Variants in DHX9 observed in about 807,000 individuals in gnomAD.
The protein encoded by DHX9 is DExH-box helicase 9.
Under a neutral mutation model 148.7 loss-of-function variants are expected in DHX9, and 27 were observed. The ratio of observed to expected loss-of-function variants is 0.18; its 90% CI spans 0.13 to 0.25. DHX9 has a LOEUF of 0.25. DHX9 is among the 10% of genes least tolerant of loss of function. DHX9 has a pLI of 1.00. For synonymous variants in DHX9, 529 were observed against 516.6 expected, an observed-to-expected ratio of 1.02 and a Z score of -0.33; for missense variants, 796 against 1,559.6, an observed-to-expected ratio of 0.51 and a Z score of 8.25.
At chr1:182,879,543 C>T (rs1341050021) in intron 21 of DHX9, 133 bp downstream of exon 21, 11 of 761,058 alleles carry the variant, frequency 1.4e-5, no homozygotes, top group Admixed American at 3.8e-5. Context: ...ATAGTAAGGC[C>T]TCCAGTCTTA....
chr1:182,880,756 G>A, intron 22 of DHX9, 148 bp downstream of exon 22: 2 of 585,598 alleles, frequency 3.4e-6, no homozygotes, highest in Middle Eastern at 2.9e-4. Flanking sequence ...ATTGAGAGCA[G>A]TGTAACACTA....
chr1:182,852,290 G>C lies in DHX9; in HGVS notation c.310G>C (p.Asp104His). 1.2e-6 allele frequency: 2 copies of C among 1,613,154 alleles called. No individual in the cohort carries two copies. Among genetic ancestry groups the C allele is most frequent in the Non-Finnish European group, 1.7e-6 (2 of 1,179,654 alleles). Residue 104 changes from aspartate to histidine, a missense_variant, in exon 4 of 28, where the codon GAT (aspartate) becomes CAT (histidine). Coordinates refer to ENST00000367549, the MANE Select transcript of DHX9 (RefSeq NM_001357.5). ...TGACACTACAGCAAATGCTGAAGGA[G>C]ATTTACCAACAACCATGGGAGGACC... ...TPDTTANAEGDLPTTMGGPLP... is the reference protein window; with the variant it reads ...TPDTTANAEGHLPTTMGGPLP...
intron 26 of DHX9, 61 bp downstream of exon 26, chr1:182,883,696 C>G (rs1649191382): frequency 1.7e-6 from 2 of 1,210,770 alleles, no homozygotes; most frequent in East Asian, 2.4e-5. Context: ...TGATGGAATT[C>G]AGCTGCTAAT....
At chr1:182,878,999 G>C (rs367844454) in intron 20 of DHX9, among the ~76,000 whole-genome samples, 1 of 152,216 alleles carries the variant, frequency 6.6e-6, no homozygotes, top group East Asian at 1.9e-4. Context: ...CGCGATTTTG[G>C]ATAATTTTTT....
chr1:182,850,051 A>C (rs1456056678), intron 3 of DHX9, among the ~76,000 whole-genome samples: 2 of 149,282 alleles, frequency 1.3e-5, no homozygotes, highest in Non-Finnish European at 3.0e-5. Context: ...AACCCATCAA[A>C]ATTTTTCTGT....
At chr1:182,886,089 A>G (rs567130734) in intron 27 of DHX9, among the ~76,000 whole-genome samples, 2 of 152,356 alleles carry the variant, frequency 1.3e-5, no homozygotes, top group African/African-American at 4.8e-5. Flanking sequence ...TTTGTGGTAG[A>G]ATCAATAGGA....
At chr1:182,875,981 A>G in intron 16 of DHX9, 69 bp from the exon 17 acceptor site, 1 of 1,207,576 alleles carries the variant, frequency 8.3e-7, no homozygotes, top group Non-Finnish European at 1.2e-6. Flanking sequence ...AGTCACTAGA[A>G]GAAATCTAGA....
At chr1:182,855,739 G>A (rs973670139) in intron 6 of DHX9, 4 of 985,416 alleles carry the variant, frequency 4.1e-6, no homozygotes, top group Non-Finnish European at 4.8e-6. Context: ...GTATAGGAAG[G>A]AGTCTAACAT....
At chr1:182,839,576 G>T (rs1225107459) in intron 1 of DHX9, 120 bp downstream of exon 1, 1 of 152,604 alleles carries the variant, frequency 6.6e-6, no homozygotes, top group East Asian at 1.9e-4. Flanking sequence ...GCTGGGGGTG[G>T]GGGAAGGGAC....
intron 3 of DHX9, among the ~76,000 whole-genome samples, chr1:182,847,380 T>C (rs1668051926): frequency 6.6e-6 from 1 of 152,242 alleles, no homozygotes; most frequent in Non-Finnish European, 1.5e-5. Context: ...TGTTTTGTTT[T>C]GTTTTGTTTT....
chr1:182,853,367 A>C lies in DHX9; in HGVS notation c.426A>C (p.Gly142=), dbSNP rs760447544. Residue 142 remains glycine (G), a synonymous_variant, in exon 5 of 28, where the codon GGA becomes GGC. Coordinates refer to ENST00000367549, the MANE Select transcript of DHX9 (RefSeq NM_001357.5). Reference sequence around the variant, plus strand: ...TTCCTGGGCCCACCTGGGACCGAGGAGCCAACTTGAAGGATTACTACTCAA... The same window carrying C: ...TTCCTGGGCCCACCTGGGACCGAGGCGCCAACTTGAAGGATTACTACTCAA... ...YGVPGPTWDR[G]ANLKDYYSRK... 2 of 1,614,074 alleles carry C rather than the reference A, an allele frequency of 1.2e-6. No homozygotes were observed. The highest frequency in any genetic ancestry group is 1.1e-5 in the South Asian group (1 of 91,064).
At chr1:182,857,692 C>T (rs751397322) in intron 7 of DHX9, among the ~76,000 whole-genome samples, 13 of 152,110 alleles carry the variant, frequency 8.5e-5, no homozygotes, top group African/African-American at 1.4e-4. Context: ...ATTAATTGAC[C>T]GTTTATAGAA....
In DHX9 at chr1:182,867,031, A is replaced by G. The variant is rs747385644; in HGVS notation, c.1545A>G (p.Glu515=). The G allele has an allele frequency of 5.6e-6, 9 of 1,598,576 alleles. No homozygotes were observed. The East Asian group carries it at 1.8e-4, about 32-fold the overall frequency. ...ATGTAATTGTAGATGAAATACATGA[A>G]AGAGATATTAATGTAAGTAACTTGA... ...ISHVIVDEIH[E]RDINTDFLLV... is the part of the protein sequence containing the mutation. Residue 515 remains glutamate, a synonymous_variant, in exon 14 of 28, where the codon GAA becomes GAG. Transcript: ENST00000367549.
intron 14 of DHX9, among the ~76,000 whole-genome samples, chr1:182,867,422 A>G (rs1369911285): frequency 6.6e-6 from 1 of 152,012 alleles, no homozygotes; most frequent in Non-Finnish European, 1.5e-5. Flanking sequence ...TGTTTTTTTG[A>G]GACAGAGTCT....
At chr1:182,871,755 A>G (rs1648562214) in intron 14 of DHX9, among the ~76,000 whole-genome samples, 1 of 152,218 alleles carries the variant, frequency 6.6e-6, no homozygotes, top group Admixed American at 6.5e-5. Flanking sequence ...AAAAAAGGAA[A>G]TCCCAAGACA....
intron 6 of DHX9, 53 bp downstream of exon 6, chr1:182,854,231 A>G: frequency 6.6e-7 from 1 of 1,503,786 alleles, no homozygotes; most frequent in Non-Finnish European, 9.0e-7. Context: ...GGTTTTGGAT[A>G]TTCACTGTTG....
intron 19 of DHX9, among the ~76,000 whole-genome samples, chr1:182,877,204 A>G (rs1220903626): frequency 2.0e-5 from 3 of 152,132 alleles, no homozygotes; most frequent in Non-Finnish European, 2.9e-5. Context: ...GATCACTGCC[A>G]TACTATAGCA....
Position 182,879,408 on chromosome 1 carries a change from G to A in DHX9, c.2510G>A (p.Arg837Lys), listed in dbSNP as rs566509354. ...GTGATTGAAGCAGAACACACTCTTAGAGGTACTTACAAATACAAACCTACT... is the reference window on the plus strand; with the variant it reads ...GTGATTGAAGCAGAACACACTCTTAAAGGTACTTACAAATACAAACCTACT... Reference protein sequence around the residue: ...DAVIEAEHTLRELDALDANDE... With the variant: ...DAVIEAEHTLKELDALDANDE... The change falls in exon 21 of 28, where the codon AGA becomes AAA. Residue 837 changes from arginine (R) to lysine (K), a missense_variant and splice_region_variant. Arg to Lys is a conservative substitution (Grantham distance 26). Coordinates refer to ENST00000367549, the MANE Select transcript of DHX9 (RefSeq NM_001357.5). The A allele has an allele frequency of 6.8e-7, 1 of 1,472,330 alleles. No individual in the cohort carries two copies. The highest frequency in any genetic ancestry group is 2.4e-5 in the East Asian group (1 of 42,394). The allele number at this position is 1,472,330 out of a possible 1,614,324, so 91.2% of individuals were successfully genotyped here.
chr1:182,887,278 A>G lies in DHX9; in HGVS notation c.3657A>G (p.Arg1219=). ...GYGAGVGGGY[R]GVSRGGFRGN... ...GTGCAGGTGTTGGTGGAGGCTATAG[A>G]GGAGTTTCCCGAGGTGGCTTTAGAG... is the stretch of plus-strand genomic sequence containing the variant. Residue 1219 remains arginine, a synonymous_variant, in exon 28 of 28, where the codon AGA becomes AGG. Transcript: ENST00000367549. 2 of 1,614,066 alleles carry G rather than the reference A, an allele frequency of 1.2e-6. No homozygotes were observed. Among genetic ancestry groups the G allele is most frequent in the Non-Finnish European group, 1.7e-6 (2 of 1,180,008 alleles).
Sources: allele counts gnomAD v4.1 joint callset (sites outside exome capture counted in the v4.1 genomes callset), GRCh38; gene constraint gnomAD v4.1.1; transcripts MANE v1.5; gene names NCBI Gene and HGNC (gene_info 2026-07-23, HGNC 2026-07-21).